Variants in SRPK1 observed in about 807,000 individuals in gnomAD.
The protein encoded by SRPK1 is SFRS protein kinase 1.
In SRPK1, 52 loss-of-function variants were observed where a neutral mutation model predicts 89.5. That is an observed-to-expected ratio of 0.58 (90% CI 0.46 to 0.73). The LOEUF (loss-of-function observed/expected upper bound fraction) is 0.73, where lower values mean the gene tolerates loss of function less well. SRPK1 is among the 30% of genes least tolerant of loss of function. The pLI is 0.00. For synonymous variants in SRPK1, 255 were observed against 270.2 expected, an observed-to-expected ratio of 0.94 and a Z score of 0.55; for missense variants, 603 against 780.6, an observed-to-expected ratio of 0.77 and a Z score of 2.71.
At chr6:35,919,106 C>T (rs957287009) in intron 2 of SRPK1, among the ~76,000 whole-genome samples, 4 of 152,216 alleles carry the variant, frequency 2.6e-5, no homozygotes, top group African/African-American at 7.2e-5. Flanking sequence ...ACCAAGTTAG[C>T]ACCTTGCTGT....
rs1769127051 is a variant in SRPK1 at position 35,834,280 on chromosome 6, C to T, written c.*1024G>A. On this transcript the variant is annotated 3_prime_UTR_variant, in exon 16 of 16. Coordinates refer to ENST00000373825, the MANE Select transcript of SRPK1 (RefSeq NM_003137.5). ...CTCTGAGAAAATCAGAAAGGCAAAG[C>T]CATAGAGGAAAACTGCTTCAAGGCC... 1 of 152,210 alleles carries T rather than the reference C, an allele frequency of 6.6e-6. No individual in the cohort carries two copies. The highest frequency in any genetic ancestry group is 2.1e-4 in the South Asian group (1 of 4,808). The allele number at this position is 152,210 out of a possible 1,614,324, so 9.4% of individuals were successfully genotyped here.
chr6:35,863,093 G>A (rs569748518), intron 12 of SRPK1, among the ~76,000 whole-genome samples: 2 of 151,862 alleles, frequency 1.3e-5, no homozygotes, highest in Non-Finnish European at 2.9e-5. Context: ...TGAAGCTGCA[G>A]TGAGTTGTGA....
At chr6:35,913,536 C>T (rs1390874749) in intron 2 of SRPK1, among the ~76,000 whole-genome samples, 1 of 151,962 alleles carries the variant, frequency 6.6e-6, no homozygotes, top group Non-Finnish European at 1.5e-5. Context: ...CAGTGGCTCA[C>T]GCCTGTAATT....
In SRPK1 at chr6:35,886,863, C is replaced by A. The variant is rs1770419958; in HGVS notation, c.391-52G>T. ...GCACAAGGTAAAGCATGGAAATAAA[C>A]CAGATGGTAGGGGAAGAATACTTAC... On this transcript the variant is annotated intron_variant, in intron 5 of 15. Transcript: ENST00000373825. The A allele has an allele frequency of 3.9e-6, 4 of 1,035,408 alleles. No individual in the cohort carries two copies. In the Admixed American group the frequency reaches 7.4e-5, roughly 19 times the overall value. The allele number at this position is 1,035,408 out of a possible 1,614,324, so 64.1% of individuals were successfully genotyped here.
chr6:35,850,303 C>T (rs558123492), intron 13 of SRPK1, among the ~76,000 whole-genome samples: 56 of 152,204 alleles, frequency 3.7e-4, no homozygotes, highest in East Asian at 1.9e-3. Context: ...ACTTACTGCT[C>T]GTCTTAGATA....
intron 6 of SRPK1, among the ~76,000 whole-genome samples, chr6:35,877,800 ACCACTGCACT>A (rs902732759): frequency 5.9e-5 from 9 of 151,470 alleles, no homozygotes; most frequent in African/African-American, 2.2e-4. Flanking sequence ...CAACCACTGC[ACCACTGCACT>A]CCACTGCACT....
chr6:35,904,704 CAGG>C (rs1215902080), intron 2 of SRPK1, among the ~76,000 whole-genome samples: 1 of 151,822 alleles, frequency 6.6e-6, no homozygotes, highest in Non-Finnish European at 1.5e-5. Context: ...GAGGCTAAGG[CAGG>C]AGAACTGCTT....
intron 13 of SRPK1, among the ~76,000 whole-genome samples, chr6:35,850,736 A>G (rs994627881): frequency 6.6e-6 from 1 of 152,226 alleles, no homozygotes; most frequent in Non-Finnish European, 1.5e-5. Flanking sequence ...TCATATAGAA[A>G]GCAAACAACA....
At chr6:35,888,245 A>T in intron 4 of SRPK1, 134 bp from the exon 5 acceptor site, 1 of 501,568 alleles carries the variant, frequency 2.0e-6, no homozygotes, top group African/African-American at 2.0e-5. Flanking sequence ...AGCTACTTCT[A>T]TGGGAACATT....
At chr6:35,874,156 A>C in intron 7 of SRPK1, 77 bp downstream of exon 7, 1 of 1,223,028 alleles carries the variant, frequency 8.2e-7, no homozygotes, top group Non-Finnish European at 1.2e-6. Flanking sequence ...GGAAAAAATA[A>C]AGTCCTGACA....
chr6:35,889,073 T>C, intron 3 of SRPK1, 150 bp from the exon 4 acceptor site: 2 of 557,058 alleles, frequency 3.6e-6, no homozygotes, highest in Admixed American at 3.1e-5. Flanking sequence ...GAAGAAAATC[T>C]TAATAGTCAA....
In SRPK1 at chr6:35,872,628, C is replaced by T. The variant is rs1188396022; in HGVS notation, c.686G>A (p.Arg229Gln). 8.7e-6 allele frequency: 14 copies of T among 1,612,108 alleles called. No individual in the cohort carries two copies. Among genetic ancestry groups the T allele is most frequent in the African/African-American group, 2.7e-5 (2 of 74,844 alleles). The change falls in exon 8 of 16, where the codon CGG (arginine) becomes CAG (glutamine). Residue 229 changes from arginine to glutamine, a missense_variant. Arg to Gln is a conservative substitution (Grantham distance 43). Coordinates refer to ENST00000373825, the MANE Select transcript of SRPK1 (RefSeq NM_003137.5). ...ILLSVNEQYI[R>Q]RLAAEATEWQ... ...TTCTGTTGCTTCTGCAGCCAGCCTC[C>T]GAATGTACTGCTCATTCACTGACAA...
intron 6 of SRPK1, 119 bp from the exon 7 acceptor site, chr6:35,874,458 G>A (rs1582010387): frequency 1.4e-6 from 1 of 691,282 alleles, no homozygotes; most frequent in Non-Finnish European, 2.5e-6. Context: ...AAGTTACAGA[G>A]CTTGAATGAA....
In SRPK1 at chr6:35,882,399, C is replaced by T. The variant is rs116100536; in HGVS notation, c.478+4325G>A. On this transcript the variant is annotated intron_variant, in intron 6 of 15. Transcript: ENST00000373825. ...TGGCACTATCATAGCTCACTGCAGC[C>T]TCAAACTCCCAGGCTCGAGTGACCC... Among the ~76,000 whole-genome samples, 1,117 of 152,152 alleles carry T rather than the reference C, an allele frequency of 7.3e-3. 13 individuals carry two copies. The highest frequency in any genetic ancestry group is 0.025 in the African/African-American group (1,023 of 41,484).
At chr6:35,836,220 C>T in intron 15 of SRPK1, among the ~76,000 whole-genome samples, 1 of 152,080 alleles carries the variant, frequency 6.6e-6, no homozygotes, top group South Asian at 2.1e-4. Flanking sequence ...ATCTAGGTTG[C>T]ATGTTCCATA....
intron 13 of SRPK1, 35 bp from the exon 14 acceptor site, chr6:35,842,639 A>G: frequency 2.6e-6 from 4 of 1,548,174 alleles, no homozygotes; most frequent in South Asian, 1.3e-5. Flanking sequence ...TGAAAGCACA[A>G]AAGAAAAGAA....
At chr6:35,918,172 A>G (rs768008582) in intron 2 of SRPK1, among the ~76,000 whole-genome samples, 47 of 151,888 alleles carry the variant, frequency 3.1e-4, no homozygotes, top group Middle Eastern at 3.4e-3. Flanking sequence ...GATACAAACA[A>G]AAGAAAAGAA....
chr6:35,891,943 CAT>C (rs1422323880), intron 2 of SRPK1, among the ~76,000 whole-genome samples: 1 of 152,032 alleles, frequency 6.6e-6, no homozygotes, highest in Non-Finnish European at 1.5e-5. Context: ...ATAAAAATAA[CAT>C]GTTAAATGTG....
At chr6:35,884,037 A>G (rs756049807) in intron 6 of SRPK1, among the ~76,000 whole-genome samples, 3 of 152,088 alleles carry the variant, frequency 2.0e-5, no homozygotes, top group Admixed American at 6.6e-5. Context: ...CCGGCCCACA[A>G]GGTTATATTT....
Sources: gnomAD v4.1 joint callset for allele counts (sites outside exome capture counted in the v4.1 genomes callset) on GRCh38, gnomAD v4.1.1 for gene constraint, MANE v1.5 for transcripts, NCBI Gene and HGNC (gene_info 2026-07-23, HGNC 2026-07-21) for gene names.